The following MRRF variants were observed in gnomAD, a reference collection of about 807,000 sequenced individuals.
MRRF encodes the protein mitochondrial ribosome recycling factor.
In MRRF, 18 loss-of-function variants were observed where a neutral mutation model predicts 25.1. The observed-to-expected ratio is 0.72, with a 90% confidence interval of 0.50 to 1.06. MRRF has a LOEUF of 1.06. MRRF is among the 50% of genes least tolerant of loss of function. The pLI, the probability that MRRF is intolerant of heterozygous loss-of-function variation, is 0.00. For synonymous variants in MRRF, 113 were observed against 112.1 expected, an observed-to-expected ratio of 1.01 and a Z score of -0.05; for missense variants, 323 against 319.3, an observed-to-expected ratio of 1.01 and a Z score of -0.09.
chr9:122,311,254 A>G (rs1266539834), intron 5 of MRRF, among the ~76,000 whole-genome samples: 4 of 152,010 alleles, frequency 2.6e-5, no homozygotes, highest in Non-Finnish European at 5.9e-5. Context: ...TATTTTAGAT[A>G]CCTTTCAGCT....
chr9:122,265,962 T>C (rs1359017254), intron 1 of MRRF, among the ~76,000 whole-genome samples: 1 of 152,246 alleles, frequency 6.6e-6, no homozygotes, highest in African/African-American at 2.4e-5. Flanking sequence ...CTACTATCTC[T>C]AAGCAAAAAT....
intron 2 of MRRF, among the ~76,000 whole-genome samples, chr9:122,273,440 CAAA>C (rs566027952): frequency 1.0e-4 from 7 of 70,134 alleles, no homozygotes; most frequent in Admixed American, 1.6e-4. Flanking sequence ...GACCCTGTCT[CAAA>C]AAAAAAAAAA....
At chr9:122,306,344 AT>A (rs1380715101) in intron 5 of MRRF, among the ~76,000 whole-genome samples, 1 of 152,226 alleles carries the variant, frequency 6.6e-6, no homozygotes, top group Non-Finnish European at 1.5e-5. Context: ...CAGCACATTT[AT>A]TAGCTTGTTT....
chr9:122,274,773 TTAA>T (rs1832677298), intron 2 of MRRF, among the ~76,000 whole-genome samples: 1 of 152,128 alleles, frequency 6.6e-6, no homozygotes, highest in Admixed American at 6.5e-5. Flanking sequence ...TTTTTCTTTC[TTAA>T]TATTATTTAT....
intron 4 of MRRF, among the ~76,000 whole-genome samples, chr9:122,288,845 A>G (rs565407408): frequency 2.5e-4 from 38 of 152,338 alleles, no homozygotes; most frequent in Admixed American, 7.2e-4. Flanking sequence ...AATTGATCAC[A>G]TCACTCTTCT....
At chr9:122,307,291 G>C (rs1351178486) in intron 5 of MRRF, among the ~76,000 whole-genome samples, 1 of 152,208 alleles carries the variant, frequency 6.6e-6, no homozygotes, top group Admixed American at 6.5e-5. Context: ...TGTCAGGAAT[G>C]TATCTTGATA....
chr9:122,319,252 G>A (rs759112766), intron 6 of MRRF, among the ~76,000 whole-genome samples: 41 of 149,578 alleles, frequency 2.7e-4, no homozygotes, highest in Non-Finnish European at 5.5e-4. Context: ...CTGGGTTCAC[G>A]CTGTTCTCCT....
At chr9:122,265,691 C>T in intron 1 of MRRF, 2 of 1,140,384 alleles carry the variant, frequency 1.8e-6, no homozygotes, top group African/African-American at 1.6e-5. Context: ...TCACTTGGTA[C>T]AAGTCACAAG....
In MRRF at chr9:122,327,259, A is replaced by G. The variant is rs576111732; in HGVS notation, c.*4642A>G. The G allele has an allele frequency of 1.4e-4, 22 of 152,294 alleles. No individual in the cohort carries two copies. Among genetic ancestry groups the G allele is most frequent in the East Asian group, 1.2e-3 (6 of 5,188 alleles). 9.4% of individuals were successfully genotyped at this position (152,294 alleles called of 1,614,324 possible). A position where few individuals can be genotyped will look rare whatever the true frequency, so the allele number is the denominator to read the frequency against. On this transcript the variant is annotated 3_prime_UTR_variant, in exon 7 of 7. Transcript: ENST00000344641. ...TGTTCACCAAGCAGTGAATAATGAT[A>G]ATAATAACAACAATAACAGTATTGA...
At chr9:122,281,946 A>G (rs750086931) in intron 3 of MRRF, among the ~76,000 whole-genome samples, 1 of 152,216 alleles carries the variant, frequency 6.6e-6, no homozygotes. Context: ...AACCACCACA[A>G]TTGCATTCTG....
At chr9:122,315,400 A>G (rs1485664591) in intron 6 of MRRF, among the ~76,000 whole-genome samples, 2 of 152,212 alleles carry the variant, frequency 1.3e-5, no homozygotes, top group African/African-American at 4.8e-5. Context: ...AGAGTTAGAA[A>G]AAGATTGTTC....
rs1023143632 is a variant in MRRF at position 122,328,715 on chromosome 9, T to C, written c.*6098T>C. On this transcript the variant is annotated 3_prime_UTR_variant, in exon 7 of 7. Transcript: ENST00000344641. Reference sequence around the variant, plus strand: ...ATTTTCAGTATTAACATAAGTGATTTGGTGTTTTAGCCCTAAGCAGATAAA... The same window carrying C: ...ATTTTCAGTATTAACATAAGTGATTCGGTGTTTTAGCCCTAAGCAGATAAA... 2.6e-5 allele frequency: 4 copies of C among 152,226 alleles called. No individual in the cohort carries two copies. The highest frequency in any genetic ancestry group is 4.4e-5 in the Non-Finnish European group (3 of 68,038). The allele number at this position is 152,226 out of a possible 1,614,324, so 9.4% of individuals were successfully genotyped here.
chr9:122,274,533 GGTGTGT>G lies in MRRF; in HGVS notation c.184+3495_184+3500del, dbSNP rs765131163. 8.7e-4 allele frequency among the ~76,000 whole-genome samples: 122 copies of G among 140,646 alleles called. 1 individual carries two copies. The highest frequency in any genetic ancestry group is 7.9e-3 in the South Asian group (32 of 4,070). The allele number at this position is 140,646 out of a possible 152,430, so 92.3% of individuals were successfully genotyped here. A position where few individuals can be genotyped will look rare whatever the true frequency, so the allele number is the denominator to read the frequency against. ...CTTGCCTGTAAAGTAATATGAATCTGGTGTGTGTGTGTGTGTGTGTGTGTGTGTGTG... is the reference window on the plus strand; with the variant it reads ...CTTGCCTGTAAAGTAATATGAATCTGGTGTGTGTGTGTGTGTGTGTGTGTG... On this transcript the variant is annotated intron_variant, in intron 2 of 6. Coordinates refer to ENST00000344641, the MANE Select transcript of MRRF (RefSeq NM_138777.5).
intron 2 of MRRF, among the ~76,000 whole-genome samples, chr9:122,275,277 C>T (rs1366902743): frequency 6.6e-6 from 1 of 152,078 alleles, no homozygotes; most frequent in Non-Finnish European, 1.5e-5. Context: ...CCACCACCAC[C>T]CCACCCCGCT....
intron 4 of MRRF, among the ~76,000 whole-genome samples, chr9:122,288,950 G>T (rs1198725804): frequency 6.6e-6 from 1 of 152,134 alleles, no homozygotes; most frequent in African/African-American, 2.4e-5. Flanking sequence ...AGAGCAACCT[G>T]TTTGCCCTGT....
At chr9:122,300,126 G>A (rs960396766) in intron 5 of MRRF, among the ~76,000 whole-genome samples, 2 of 152,220 alleles carry the variant, frequency 1.3e-5, no homozygotes, top group South Asian at 2.1e-4. Flanking sequence ...CTGATGGGGC[G>A]TTCCTGAGCA....
intron 6 of MRRF, among the ~76,000 whole-genome samples, chr9:122,315,108 T>G (rs1336161336): frequency 1.3e-5 from 2 of 152,140 alleles, no homozygotes; most frequent in Non-Finnish European, 2.9e-5. Flanking sequence ...TTTAGGTGGC[T>G]TCCTGGGCCC....
chr9:122,308,194 C>G (rs1024973828), intron 5 of MRRF, among the ~76,000 whole-genome samples: 2 of 152,124 alleles, frequency 1.3e-5, no homozygotes, highest in African/African-American at 4.8e-5. Flanking sequence ...AAAAGGCTTC[C>G]TCACCCAGCC....
chr9:122,288,947 C>T (rs1833579687), intron 4 of MRRF, among the ~76,000 whole-genome samples: 1 of 152,106 alleles, frequency 6.6e-6, no homozygotes. Context: ...TTGAGAGCAA[C>T]CTGTTTGCCC....
Sources: gnomAD v4.1 joint callset for allele counts (sites outside exome capture counted in the v4.1 genomes callset) on GRCh38, gnomAD v4.1.1 for gene constraint, MANE v1.5 for transcripts, NCBI Gene and HGNC (gene_info 2026-07-23, HGNC 2026-07-21) for gene names.